Variants in TFCP2 observed in about 807,000 individuals in gnomAD.
The protein encoded by TFCP2 is alpha-globin transcription factor CP2.
Under a neutral mutation model 73.4 loss-of-function variants are expected in TFCP2, and 33 were observed. That is an observed-to-expected ratio of 0.45 (90% CI 0.34 to 0.60). The LOEUF (loss-of-function observed/expected upper bound fraction) is 0.60. Among genes scored for constraint, TFCP2 ranks in the 20% least tolerant of loss-of-function variants. TFCP2 has a pLI of 0.01. For missense variants in TFCP2, 352 were observed against 604.0 expected, an observed-to-expected ratio of 0.58 and a Z score of 4.37; for synonymous variants, 193 against 211.6, an observed-to-expected ratio of 0.91 and a Z score of 0.76.
chr12:51,169,601 T>C (rs1941820996), intron 1 of TFCP2, among the ~76,000 whole-genome samples: 1 of 152,058 alleles, frequency 6.6e-6, no homozygotes, highest in African/African-American at 2.4e-5. Context: ...TATATGCCTA[T>C]AGTCTCAGCT....
chr12:51,122,239 A>AT (rs1430703106), intron 1 of TFCP2, among the ~76,000 whole-genome samples: 1 of 113,932 alleles, frequency 8.8e-6, no homozygotes, highest in Non-Finnish European at 1.9e-5. Flanking sequence ...AAACAGTTTT[A>AT]TTTTTTTTCT....
chr12:51,117,271 T>C (rs1230172465), intron 3 of TFCP2, among the ~76,000 whole-genome samples: 1 of 152,202 alleles, frequency 6.6e-6, no homozygotes, highest in Non-Finnish European at 1.5e-5. Context: ...AAATCCTAAC[T>C]GTTAATCTAG....
chr12:51,099,692 CTGCTGCTGT>C lies in TFCP2; in HGVS notation c.1230_1238del (p.Gln411_Gln413del). On this transcript the variant is annotated inframe_deletion, in exon 12 of 15. Transcript: ENST00000257915. Reference sequence around the variant, plus strand: ...CATTTGAGTCTCCATCCTCATGCTTCTGCTGCTGTTGCTGCTGCTGTTGTTGCTGCTCCC... The same window carrying C: ...CATTTGAGTCTCCATCCTCATGCTTCTGCTGCTGCTGTTGTTGCTGCTCCC... 1 of 1,614,186 alleles carries C rather than the reference CTGCTGCTGT, an allele frequency of 6.2e-7. No homozygotes were observed. The highest frequency in any genetic ancestry group is 8.5e-7 in the Non-Finnish European group (1 of 1,180,036).
At chr12:51,109,380 A>G in intron 5 of TFCP2, 107 bp from the exon 6 acceptor site, 1 of 1,115,466 alleles carries the variant, frequency 9.0e-7, no homozygotes, top group Non-Finnish European at 1.3e-6. Flanking sequence ...GGCATTATGA[A>G]TACCTACAAA....
intron 1 of TFCP2, among the ~76,000 whole-genome samples, chr12:51,160,777 A>G (rs542690809): frequency 6.6e-6 from 1 of 152,270 alleles, no homozygotes; most frequent in South Asian, 2.1e-4. Flanking sequence ...TGAAGAAAAA[A>G]GTTGGTAAAT....
intron 2 of TFCP2, among the ~76,000 whole-genome samples, chr12:51,118,243 T>A (rs915111263): frequency 1.3e-5 from 2 of 152,210 alleles, no homozygotes; most frequent in African/African-American, 4.8e-5. Context: ...AGTTTTTACA[T>A]ATAAGTGTAC....
At chr12:51,128,478 TAAA>T (rs11324129) in intron 1 of TFCP2, among the ~76,000 whole-genome samples, 2 of 137,300 alleles carry the variant, frequency 1.5e-5, no homozygotes, top group African/African-American at 5.3e-5. Flanking sequence ...AGTATAATAA[TAAA>T]AAAAAAAAAA....
chr12:51,121,355 G>T (rs1048910817), intron 1 of TFCP2, among the ~76,000 whole-genome samples: 2 of 151,564 alleles, frequency 1.3e-5, no homozygotes, highest in African/African-American at 4.8e-5. Context: ...GGAGGTGGAG[G>T]TTGCAGTGAG....
chr12:51,117,586 A>G, intron 3 of TFCP2, 85 bp downstream of exon 3: 2 of 1,094,464 alleles, frequency 1.8e-6, no homozygotes, highest in South Asian at 2.8e-5. Flanking sequence ...TGGAAGCAAA[A>G]GAACATTAAC....
chr12:51,116,226 T>C (rs1393282337), intron 4 of TFCP2, 89 bp downstream of exon 4: 3 of 582,764 alleles, frequency 5.1e-6, no homozygotes, highest in Non-Finnish European at 8.9e-6. Flanking sequence ...CTCTCAAGCA[T>C]ATGAATCAAG....
At chr12:51,151,933 T>C (rs953717184) in intron 1 of TFCP2, among the ~76,000 whole-genome samples, 8 of 152,160 alleles carry the variant, frequency 5.3e-5, no homozygotes, top group African/African-American at 1.9e-4. Context: ...AGCCAACTAA[T>C]AAATGTAGAG....
intron 13 of TFCP2, among the ~76,000 whole-genome samples, chr12:51,096,909 C>T (rs958125588): frequency 2.6e-5 from 4 of 151,676 alleles, no homozygotes; most frequent in Admixed American, 6.6e-5. Context: ...AGGTAGGGAA[C>T]GAAACAATTT....
intron 1 of TFCP2, among the ~76,000 whole-genome samples, chr12:51,133,063 A>G (rs1940984364): frequency 6.6e-6 from 1 of 152,184 alleles, no homozygotes; most frequent in Admixed American, 6.5e-5. Context: ...TCTTTGTTCT[A>G]AAACAAAACT....
chr12:51,120,086 G>A (rs1328644972), intron 1 of TFCP2, among the ~76,000 whole-genome samples: 2 of 147,956 alleles, frequency 1.4e-5, no homozygotes, highest in Admixed American at 7.0e-5. Flanking sequence ...GGCTGAGGCA[G>A]GAGAATCACT....
At chr12:51,135,366 G>C (rs1592817617) in intron 1 of TFCP2, among the ~76,000 whole-genome samples, 2 of 152,056 alleles carry the variant, frequency 1.3e-5, no homozygotes, top group African/African-American at 4.8e-5. Flanking sequence ...GGCAGAGGTT[G>C]AGGTGAGCCG....
intron 13 of TFCP2, among the ~76,000 whole-genome samples, 180 bp downstream of exon 13, chr12:51,098,596 G>A (rs1337897605): frequency 1.3e-5 from 2 of 151,784 alleles, no homozygotes; most frequent in East Asian, 3.9e-4. Flanking sequence ...ACTGCACTCC[G>A]GCCTGGGCAA....
intron 1 of TFCP2, among the ~76,000 whole-genome samples, chr12:51,140,709 T>C (rs1322617583): frequency 1.3e-5 from 2 of 151,756 alleles, no homozygotes; most frequent in South Asian, 2.1e-4. Context: ...CCTCCTGCCA[T>C]AGCCTCCTGA....
At position 51,172,885 on chromosome 12, in the gene TFCP2, C is replaced by G. The variant is rs1165463250; in HGVS notation, c.-463G>C. ...CCCTCCCAGGTCTCGCTCTCTCTTT[C>G]CCCTCCAGGCCTCGCTTCCGGTCAG... On this transcript the variant is annotated 5_prime_UTR_variant, in exon 1 of 15. Coordinates refer to ENST00000257915, the MANE Select transcript of TFCP2 (RefSeq NM_005653.5). The G allele has an allele frequency of 1.2e-5, 2 of 170,574 alleles. No homozygotes were observed. The highest frequency in any genetic ancestry group is 2.4e-5 in the African/African-American group (1 of 41,914). 10.6% of individuals were successfully genotyped at this position (170,574 alleles called of 1,614,324 possible). A position where few individuals can be genotyped will look rare whatever the true frequency, so the allele number is the denominator to read the frequency against.
chr12:51,144,969 G>A (rs548102721), intron 1 of TFCP2, among the ~76,000 whole-genome samples: 2 of 152,286 alleles, frequency 1.3e-5, no homozygotes, highest in African/African-American at 4.8e-5. Context: ...GGGAGGCCGA[G>A]GTGGGCGGAT....
Sources: allele counts gnomAD v4.1 joint callset (sites outside exome capture counted in the v4.1 genomes callset), GRCh38; gene constraint gnomAD v4.1.1; transcripts MANE v1.5; gene names NCBI Gene and HGNC (gene_info 2026-07-23, HGNC 2026-07-21).